RNF216: variants seen among roughly 807,000 people sequenced by gnomAD.
RNF216 encodes the protein ring finger protein 216, also known as E3 ubiquitin-protein ligase RNF216.
In RNF216, 72 loss-of-function variants were observed where a neutral mutation model predicts 110.8. The observed-to-expected ratio is 0.65, with a 90% confidence interval of 0.54 to 0.79. The LOEUF (loss-of-function observed/expected upper bound fraction) is 0.79, where lower values mean the gene tolerates loss of function less well. RNF216 is among the 30% of genes least tolerant of loss of function. The pLI, the probability that RNF216 is intolerant of heterozygous loss-of-function variation, is 0.00. For synonymous variants in RNF216, 495 were observed against 407.5 expected (o/e 1.21, Z -2.59); for missense variants, 1,342 against 1,141.2 (o/e 1.18, Z -2.54).
chr7:5,756,037 T>G (rs1308628901), intron 2 of RNF216, among the ~76,000 whole-genome samples: 1 of 152,132 alleles, frequency 6.6e-6, no homozygotes, highest in African/African-American at 2.4e-5. Flanking sequence ...AATCCCATAA[T>G]CCCCACAAGT....
At chr7:5,730,854 C>T (rs1168864060) in intron 5 of RNF216, 37 bp from the exon 6 acceptor site, 11 of 1,575,326 alleles carry the variant, frequency 7.0e-6, no homozygotes, top group South Asian at 3.4e-5. Context: ...ATACTGCTTC[C>T]AAATCCCACA....
At chr7:5,762,518 T>C (rs1328521489) in intron 1 of RNF216, among the ~76,000 whole-genome samples, 13 of 151,036 alleles carry the variant, frequency 8.6e-5, no homozygotes, top group Non-Finnish European at 1.8e-4. Context: ...TAATAATAAA[T>C]AAATAAATAA....
At chr7:5,637,710 T>C (rs537112553) in intron 15 of RNF216, among the ~76,000 whole-genome samples, 45 of 152,224 alleles carry the variant, frequency 3.0e-4, no homozygotes, top group African/African-American at 1.0e-3. Flanking sequence ...TGGATAACTT[T>C]GGGATTTTTT....
At chr7:5,720,179 G>C (rs146929135) in intron 9 of RNF216, among the ~76,000 whole-genome samples, 156 of 152,280 alleles carry the variant, frequency 1.0e-3, no homozygotes, top group African/African-American at 3.6e-3. Flanking sequence ...AGCTGAGCTT[G>C]ATCAACAGAG....
At chr7:5,644,121 G>C (rs889908310) in intron 14 of RNF216, among the ~76,000 whole-genome samples, 1 of 152,124 alleles carries the variant, frequency 6.6e-6, no homozygotes, top group Non-Finnish European at 1.5e-5. Context: ...TTTTTGGCTG[G>C]TGTGAATTGT....
At chr7:5,727,733 C>T (rs190731014) in intron 7 of RNF216, among the ~76,000 whole-genome samples, 21 of 152,040 alleles carry the variant, frequency 1.4e-4, no homozygotes, top group Non-Finnish European at 2.2e-4. Context: ...TGTTTCTAAA[C>T]AAGAATAACC....
chr7:5,636,503 G>A (rs957133866), intron 15 of RNF216, among the ~76,000 whole-genome samples: 1 of 152,142 alleles, frequency 6.6e-6, no homozygotes, highest in African/African-American at 2.4e-5. Context: ...CAACTCCCTC[G>A]CTGACAAATA....
At chr7:5,682,357 G>A (rs1056109865) in intron 13 of RNF216, among the ~76,000 whole-genome samples, 4 of 151,956 alleles carry the variant, frequency 2.6e-5, no homozygotes, top group African/African-American at 9.7e-5. Flanking sequence ...ACTTAGCTTG[G>A]AGCAGCCAAT....
intron 13 of RNF216, among the ~76,000 whole-genome samples, chr7:5,699,975 T>C (rs1791860751): frequency 6.6e-6 from 1 of 152,230 alleles, no homozygotes; most frequent in Admixed American, 6.5e-5. Context: ...AATTCAAGGA[T>C]AAACACAAGA....
chr7:5,735,296 A>G (rs1794330197), intron 5 of RNF216, among the ~76,000 whole-genome samples: 1 of 152,224 alleles, frequency 6.6e-6, no homozygotes, highest in East Asian at 1.9e-4. Flanking sequence ...AGAACTCAAG[A>G]TATGAGCTTA....
intron 13 of RNF216, among the ~76,000 whole-genome samples, chr7:5,707,445 C>A (rs78978127): frequency 0.013 from 1,952 of 152,116 alleles, 26 homozygotes; most frequent in Middle Eastern, 0.054. Context: ...TGTTAGTGTA[C>A]AGGAACGCAA....
intron 5 of RNF216, among the ~76,000 whole-genome samples, chr7:5,735,808 G>C (rs932839832): frequency 2.0e-5 from 3 of 152,156 alleles, no homozygotes; most frequent in African/African-American, 7.2e-5. Context: ...TAAAGATTAA[G>C]GGAAGGCCAG....
intron 11 of RNF216, 22 bp downstream of exon 11, chr7:5,715,031 G>C (rs1482916202): frequency 2.5e-6 from 4 of 1,599,968 alleles, no homozygotes; most frequent in Non-Finnish European, 2.6e-6. Flanking sequence ...TATATACATG[G>C]GACATATTAC....
intron 13 of RNF216, among the ~76,000 whole-genome samples, chr7:5,705,629 G>A (rs193248464): frequency 3.3e-5 from 5 of 152,208 alleles, no homozygotes; most frequent in Non-Finnish European, 7.4e-5. Context: ...ACTGCGGTAG[G>A]CTGGGCACGG....
intron 13 of RNF216, among the ~76,000 whole-genome samples, chr7:5,674,765 G>A (rs549496677): frequency 6.6e-6 from 1 of 152,120 alleles, no homozygotes; most frequent in African/African-American, 2.4e-5. Context: ...GGAGGCCGAG[G>A]TTGGCAGATC....
chr7:5,742,514 A>AT (rs143559244), intron 3 of RNF216, among the ~76,000 whole-genome samples: 2,236 of 145,808 alleles, frequency 0.015, 47 homozygotes, highest in African/African-American at 0.053. Context: ...ACAAGACAGT[A>AT]TTTTTTTCCC....
chr7:5,738,474 C>T (rs1158183110), intron 5 of RNF216, among the ~76,000 whole-genome samples: 10 of 151,952 alleles, frequency 6.6e-5, no homozygotes, highest in African/African-American at 1.7e-4. Context: ...TTTGGGAGGC[C>T]GAGGCGGGTG....
At chr7:5,655,364 G>A (rs528132173) in intron 13 of RNF216, among the ~76,000 whole-genome samples, 4 of 152,206 alleles carry the variant, frequency 2.6e-5, no homozygotes, top group East Asian at 1.9e-4. Flanking sequence ...TTGGGAGGCC[G>A]AGGCGGAGGG....
At position 5,764,030 on chromosome 7, in the gene RNF216, A is replaced by C. The variant is rs989817720; in HGVS notation, c.-69-2892T>G. The stretch of plus-strand genomic sequence containing the variant: ...ATGGGCGAAACCCTGCTTCTACTAA[A>C]AATACAAGAAATTATCCAGATGTGG... On this transcript the variant is annotated intron_variant, in intron 1 of 16. Transcript: ENST00000389902. Among the ~76,000 whole-genome samples the C allele has an allele frequency of 2.8e-4, 42 of 151,950 alleles. 1 individual carries two copies. The highest frequency in any genetic ancestry group is 2.1e-4 in the South Asian group (1 of 4,814).
Sources: gnomAD v4.1 joint callset for allele counts (sites outside exome capture counted in the v4.1 genomes callset) on GRCh38, gnomAD v4.1.1 for gene constraint, MANE v1.5 for transcripts, NCBI Gene and HGNC (gene_info 2026-07-23, HGNC 2026-07-21) for gene names.